Variants in FTO observed in about 807,000 individuals in gnomAD.
FTO encodes alpha-ketoglutarate-dependent dioxygenase FTO.
In FTO, 47 loss-of-function variants were observed where a neutral mutation model predicts 63.9. The observed-to-expected ratio is 0.74, with a 90% CI of 0.58 to 0.94. FTO has a LOEUF of 0.94. Ranked by LOEUF, FTO falls within the 40% of genes least tolerant of loss-of-function variation. The pLI is 0.00. For missense variants in FTO, 562 were observed against 618.1 expected (o/e 0.91, Z 0.96); for synonymous variants, 207 against 224.4 (o/e 0.92, Z 0.69).
At chr16:53,875,063 A>C (rs2080608387) in intron 5 of FTO, among the ~76,000 whole-genome samples, 1 of 152,056 alleles carries the variant, frequency 6.6e-6, no homozygotes, top group East Asian at 1.9e-4. Context: ...GTAGGTAAGG[A>C]CGAACAGAGG....
chr16:54,100,545 G>A (rs1555507701), intron 8 of FTO, among the ~76,000 whole-genome samples: 1 of 152,030 alleles, frequency 6.6e-6, no homozygotes, highest in Non-Finnish European at 1.5e-5. Flanking sequence ...CGTACAGATG[G>A]GGTTTCACTA....
chr16:53,958,944 A>G (rs2083000474), intron 8 of FTO, among the ~76,000 whole-genome samples: 1 of 152,294 alleles, frequency 6.6e-6, no homozygotes, highest in South Asian at 2.1e-4. Context: ...GAAGAATACC[A>G]CTAAAAATTA....
At chr16:53,987,057 A>C (rs930825767) in intron 8 of FTO, among the ~76,000 whole-genome samples, 11 of 152,220 alleles carry the variant, frequency 7.2e-5, no homozygotes, top group Admixed American at 4.6e-4. Flanking sequence ...TATTAAAGCC[A>C]TATTTTCTTT....
intron 4 of FTO, among the ~76,000 whole-genome samples, chr16:53,867,493 ATGTGTG>A (rs150516029): frequency 0.016 from 2,234 of 140,412 alleles, 39 homozygotes; most frequent in African/African-American, 0.048. Context: ...TACGCCACAT[ATGTGTG>A]TGTGTGTGTG....
At chr16:53,908,449 A>G (rs1163660538) in intron 7 of FTO, among the ~76,000 whole-genome samples, 2 of 152,180 alleles carry the variant, frequency 1.3e-5, no homozygotes, top group African/African-American at 4.8e-5. Context: ...CTCAGATGTT[A>G]AGAAAGGTCC....
chr16:53,724,904 A>G lies in FTO; in HGVS notation c.45+20675A>G, dbSNP rs2151496443. 2.6e-5 allele frequency among the ~76,000 whole-genome samples: 4 copies of G among 152,338 alleles called. No individual in the cohort carries two copies. In the Middle Eastern group the frequency reaches 0.014, roughly 518 times the overall value. Reference sequence around the variant, plus strand: ...TAGTATAGGAAATTGCTGATAATTAATAATTTTAGCATTGAACTTATTCAA... The same window carrying G: ...TAGTATAGGAAATTGCTGATAATTAGTAATTTTAGCATTGAACTTATTCAA... On this transcript the variant is annotated intron_variant, in intron 1 of 8. Transcript: ENST00000471389.
At chr16:53,820,702 C>G in intron 2 of FTO, among the ~76,000 whole-genome samples, 1 of 150,394 alleles carries the variant, frequency 6.6e-6, no homozygotes, top group Non-Finnish European at 1.5e-5. Context: ...TTGTTCAATT[C>G]CCACCTATGA....
At chr16:53,971,548 T>G (rs2083317208) in intron 8 of FTO, among the ~76,000 whole-genome samples, 1 of 152,268 alleles carries the variant, frequency 6.6e-6, no homozygotes, top group African/African-American at 2.4e-5. Context: ...TTACAACATC[T>G]GTATTTTCTA....
chr16:53,774,094 A>C (rs1284084085), intron 1 of FTO, among the ~76,000 whole-genome samples: 1 of 152,160 alleles, frequency 6.6e-6, no homozygotes, highest in Non-Finnish European at 1.5e-5. Context: ...CGTTTATTTT[A>C]GAATGTGGTC....
intron 7 of FTO, among the ~76,000 whole-genome samples, chr16:53,923,312 A>G (rs2082052467): frequency 6.6e-6 from 1 of 152,250 alleles, no homozygotes; most frequent in Non-Finnish European, 1.5e-5. Context: ...AACTTCGACT[A>G]GGTGCTTTGA....
chr16:54,094,776 G>C lies in FTO; in HGVS notation c.1365-16986G>C, dbSNP rs543607062. On this transcript the variant is annotated intron_variant, in intron 8 of 8. Coordinates refer to ENST00000471389, the MANE Select transcript of FTO (RefSeq NM_001080432.3). The stretch of plus-strand genomic sequence containing the variant: ...CCACCGAAGAGGCGTAAGATATTTT[G>C]CTTCATCAAACGAATACTGTGTGTA... Among the ~76,000 whole-genome samples, 8 of 152,226 alleles carry C rather than the reference G, an allele frequency of 5.3e-5. No homozygotes were observed. In the East Asian group the frequency reaches 1.4e-3, roughly 26 times the overall value.
At chr16:53,916,484 G>A (rs987741196) in intron 7 of FTO, among the ~76,000 whole-genome samples, 15 of 152,150 alleles carry the variant, frequency 9.9e-5, no homozygotes, top group African/African-American at 2.9e-4. Flanking sequence ...TCCTATAAAC[G>A]TAAGACACAA....
At chr16:54,051,589 C>A (rs553232702) in intron 8 of FTO, among the ~76,000 whole-genome samples, 1 of 152,224 alleles carries the variant, frequency 6.6e-6, no homozygotes, top group African/African-American at 2.4e-5. Flanking sequence ...TTTCCTCCCC[C>A]CTCAGTTTCT....
chr16:53,950,171 A>AAAC (rs2082751932), intron 8 of FTO, among the ~76,000 whole-genome samples: 1 of 148,680 alleles, frequency 6.7e-6, no homozygotes, highest in South Asian at 2.2e-4. Context: ...AAAAAAAAAA[A>AAAC]AAAAAAAACT....
chr16:53,834,147 C>G (rs1051435281), intron 3 of FTO, among the ~76,000 whole-genome samples: 3 of 152,092 alleles, frequency 2.0e-5, no homozygotes, highest in Non-Finnish European at 4.4e-5. Flanking sequence ...GTCTCAGCCC[C>G]CTGAGTAGCT....
At chr16:53,860,512 G>T (rs984223370) in intron 4 of FTO, among the ~76,000 whole-genome samples, 1 of 152,208 alleles carries the variant, frequency 6.6e-6, no homozygotes, top group Non-Finnish European at 1.5e-5. Flanking sequence ...GTAGGACGCT[G>T]GCATCTGCTT....
intron 8 of FTO, among the ~76,000 whole-genome samples, chr16:54,105,549 C>A (rs897895191): frequency 4.6e-5 from 7 of 152,148 alleles, no homozygotes; most frequent in Non-Finnish European, 8.8e-5. Flanking sequence ...ACTGGGGATC[C>A]AAATACCTAC....
At chr16:53,793,412 A>C (rs1387422688) in intron 1 of FTO, among the ~76,000 whole-genome samples, 1 of 152,214 alleles carries the variant, frequency 6.6e-6, no homozygotes, top group Non-Finnish European at 1.5e-5. Context: ...TTGATATTCA[A>C]ATTATCTGAA....
rs62034062 is a variant in FTO, at chr16:54,009,566, G to C, written c.1364+75457G>C. Among the ~76,000 whole-genome samples, 1,063 of 152,188 alleles carry C rather than the reference G, an allele frequency of 7.0e-3. 10 individuals carry two copies. Among genetic ancestry groups the C allele is most frequent in the Non-Finnish European group, 0.012 (823 of 68,022 alleles). ...TGAGCATCGAATTCAGCAGGTTTGG[G>C]TTTTTCCAGAGATCAGTGCCTGATA... On this transcript the variant is annotated intron_variant, in intron 8 of 8. Transcript: ENST00000471389.
Sources: gnomAD v4.1 joint callset for allele counts (sites outside exome capture counted in the v4.1 genomes callset) on GRCh38, gnomAD v4.1.1 for gene constraint, MANE v1.5 for transcripts, NCBI Gene and HGNC (gene_info 2026-07-23, HGNC 2026-07-21) for gene names.